The following LY6S variants were observed in gnomAD, a reference collection of about 807,000 sequenced individuals.
LY6S encodes lymphocyte antigen 6 family member S.
the LY6S span, among the ~76,000 whole-genome samples, chr8:143,064,931 C>G: frequency 9.9e-5 from 15 of 152,284 alleles, no homozygotes; most frequent in Non-Finnish European, 1.5e-4. Flanking sequence ...TCCCAGAGAG[C>G]CTGCTCGTCT....
chr8:143,076,270 G>A, the LY6S span, among the ~76,000 whole-genome samples: 1 of 152,228 alleles, frequency 6.6e-6, no homozygotes, highest in Non-Finnish European at 1.5e-5. Flanking sequence ...CACAGGGAGT[G>A]AGGGGCCAGA....
the LY6S span, among the ~76,000 whole-genome samples, chr8:143,056,206 G>A: frequency 1.1e-4 from 16 of 143,452 alleles, no homozygotes; most frequent in Non-Finnish European, 2.3e-4. Context: ...CATTTGGATC[G>A]AAAAGAGAAA....
At chr8:143,050,981 G>A in the LY6S span, among the ~76,000 whole-genome samples, 3 of 152,126 alleles carry the variant, frequency 2.0e-5, no homozygotes, top group Admixed American at 1.3e-4. Flanking sequence ...CTTGTCCCTC[G>A]TGCACACACA....
At chr8:143,064,942 G>T in the LY6S span, among the ~76,000 whole-genome samples, 1 of 152,190 alleles carries the variant, frequency 6.6e-6, no homozygotes, top group Non-Finnish European at 1.5e-5. Context: ...CTGCTCGTCT[G>T]CCCAGGTGAG....
chr8:143,059,698 C>T, the LY6S span: 1 of 152,072 alleles, frequency 6.6e-6, no homozygotes, highest in South Asian at 2.1e-4. Context: ...AACTCCTGAG[C>T]TCAAGTGATC....
At chr8:143,073,155 C>T in the LY6S span, among the ~76,000 whole-genome samples, 1 of 104,852 alleles carries the variant, frequency 9.5e-6, no homozygotes. Context: ...AGACAGCCGT[C>T]GTCCCCGGGG....
At chr8:143,068,866 T>C in the LY6S span, among the ~76,000 whole-genome samples, 4 of 152,150 alleles carry the variant, frequency 2.6e-5, no homozygotes, top group East Asian at 7.7e-4. Flanking sequence ...CAGAATTGTT[T>C]ATCCTGTCAC....
At chr8:143,063,086 C>T in the LY6S span, among the ~76,000 whole-genome samples, 2 of 152,182 alleles carry the variant, frequency 1.3e-5, no homozygotes, top group Non-Finnish European at 2.9e-5. Context: ...AGTTCACAGG[C>T]TCCTGTTTGG....
chr8:143,042,978 T>C, the LY6S span: 4 of 1,364,152 alleles, frequency 2.9e-6, no homozygotes, highest in Non-Finnish European at 3.9e-6. Context: ...ACCTCTGCCC[T>C]GGCCACATCC....
chr8:143,052,222 A>C, the LY6S span, among the ~76,000 whole-genome samples: 1 of 152,044 alleles, frequency 6.6e-6, no homozygotes, highest in African/African-American at 2.4e-5. Flanking sequence ...CAGAGCTTGC[A>C]GTGAGCCGAG....
At chr8:143,073,909 C>CCA in the LY6S span, among the ~76,000 whole-genome samples, 1 of 134,268 alleles carries the variant, frequency 7.4e-6, no homozygotes, top group Non-Finnish European at 1.6e-5. Context: ...CCATCATCCT[C>CCA]GTGGTCCCTG....
chr8:143,070,422 T>TTA, the LY6S span, among the ~76,000 whole-genome samples: 38 of 98,722 alleles, frequency 3.8e-4, 1 homozygote, highest in Admixed American at 5.5e-4. Context: ...GTATATATAT[T>TTA]TATATATATA....
chr8:143,042,980 G>A, the LY6S span: 1 of 1,364,908 alleles, frequency 7.3e-7, no homozygotes, highest in East Asian at 4.6e-5. Flanking sequence ...CTCTGCCCTG[G>A]CCACATCCTT....
the LY6S span, among the ~76,000 whole-genome samples, chr8:143,069,804 G>A: frequency 2.0e-5 from 3 of 152,128 alleles, no homozygotes; most frequent in Admixed American, 1.3e-4. Flanking sequence ...ATCAGACTCC[G>A]CAAGCAGAGA....
chr8:143,052,597 A>T, the LY6S span, among the ~76,000 whole-genome samples: 1 of 152,186 alleles, frequency 6.6e-6, no homozygotes, highest in African/African-American at 2.4e-5. Flanking sequence ...CTCTCCCCCA[A>T]GAACAGAGAA....
At chr8:143,042,755 G>A in the LY6S span, among the ~76,000 whole-genome samples, 6 of 152,160 alleles carry the variant, frequency 3.9e-5, no homozygotes, top group East Asian at 1.9e-4. Flanking sequence ...CTGGCTCCTC[G>A]GCAAGTTAGT....
At chr8:143,061,328 G>A in the LY6S span, among the ~76,000 whole-genome samples, 1 of 151,930 alleles carries the variant, frequency 6.6e-6, no homozygotes, top group African/African-American at 2.4e-5. Context: ...GTATTAGGCA[G>A]GAAATGCAGC....
chr8:143,066,148 A>ATTTTTCTTTTCTTTTCT, the LY6S span: 4 of 253,434 alleles, frequency 1.6e-5, no homozygotes, highest in Admixed American at 1.7e-4. Flanking sequence ...CCAATGATGA[A>ATTTTTCTTTTCTTTTCT]TTTCTTTTCT....
chr8:143,072,611 C>T, the LY6S span, among the ~76,000 whole-genome samples: 1 of 140,246 alleles, frequency 7.1e-6, no homozygotes, highest in Non-Finnish European at 1.6e-5. Flanking sequence ...AGACAGCCGT[C>T]GTCCTCGGGG....
Sources: allele counts gnomAD v4.1 joint callset (sites outside exome capture counted in the v4.1 genomes callset), GRCh38; gene constraint gnomAD v4.1.1; transcripts MANE v1.5; gene names NCBI Gene and HGNC (gene_info 2026-07-23, HGNC 2026-07-21).